The following NDUFS2 variants were observed in gnomAD, a reference collection of about 807,000 sequenced individuals.
The protein encoded by NDUFS2 is NADH dehydrogenase [ubiquinone] iron-sulfur protein 2, mitochondrial.
NDUFS2 carries 38 observed loss-of-function variants against 69.6 expected under a neutral mutation model. That is an observed-to-expected ratio of 0.55 (90% CI 0.42 to 0.72). The LOEUF (loss-of-function observed/expected upper bound fraction) is 0.72. NDUFS2 is among the 30% of genes least tolerant of loss of function. The pLI, the probability that NDUFS2 is intolerant of heterozygous loss-of-function variation, is 0.00. For synonymous variants in NDUFS2, 194 were observed against 211.2 expected (o/e 0.92, Z 0.70); for missense variants, 468 against 595.0 (o/e 0.79, Z 2.22).
chr1:161,203,668 T>A, intron 2 of NDUFS2, 125 bp downstream of exon 2: 1 of 830,694 alleles, frequency 1.2e-6, no homozygotes, highest in Non-Finnish European at 2.0e-6. Flanking sequence ...CGAAAGTGGC[T>A]CACTGTAGCC....
chr1:161,202,091 G>A, upstream of NDUFS2: 1 of 501,394 alleles, frequency 2.0e-6, no homozygotes, highest in South Asian at 2.1e-5. Context: ...CTCGGCGAGA[G>A]AGCACGAAGT....
chr1:161,213,561 G>A, intron 11 of NDUFS2, 86 bp downstream of exon 11: 1 of 1,541,890 alleles, frequency 6.5e-7, no homozygotes, highest in Non-Finnish European at 9.0e-7. Flanking sequence ...TCATCAATGA[G>A]AGAGAAAACA....
chr1:161,205,882 G>A (rs1379632336), intron 2 of NDUFS2, among the ~76,000 whole-genome samples: 1 of 152,176 alleles, frequency 6.6e-6, no homozygotes, highest in Non-Finnish European at 1.5e-5. Flanking sequence ...TTGGAGGACA[G>A]TATATCATAG....
chr1:161,213,710 A>G lies in NDUFS2; in HGVS notation c.1274A>G (p.Lys425Arg), dbSNP rs541855577. Residue 425 changes from lysine (K) to arginine (R), a missense_variant, in exon 12 of 14, where the codon AAG becomes AGG. By Grantham distance (26) the Lys-to-Arg change is conservative. Coordinates refer to ENST00000676972, the MANE Select transcript of NDUFS2 (RefSeq NM_001377299.1). ...GSSRPYRCKI[K>R]APGFAHLAGL... ...AGCCGCCCTTATCGATGCAAGATCA[A>G]GGCTCCTGGTTTTGCCCATCTGGTA... 1.3e-5 allele frequency: 21 copies of G among 1,614,208 alleles called. No homozygotes were observed. The East Asian group carries it at 4.2e-4, about 33-fold the overall frequency.
chr1:161,209,378 C>T, intron 4 of NDUFS2, 65 bp downstream of exon 4: 6 of 1,612,504 alleles, frequency 3.7e-6, no homozygotes, highest in Non-Finnish European at 4.2e-6. Flanking sequence ...TCCACCACTT[C>T]CCCGTTGAAC....
rs562079890 is a variant in NDUFS2, at chr1:161,205,690, C to T, written c.203-717C>T. Among the ~76,000 whole-genome samples the T allele has an allele frequency of 2.6e-5, 4 of 152,044 alleles. No individual in the cohort carries two copies. In the South Asian group the frequency reaches 8.3e-4, roughly 32 times the overall value. On this transcript the variant is annotated intron_variant, in intron 2 of 13. Coordinates refer to ENST00000676972, the MANE Select transcript of NDUFS2 (RefSeq NM_001377299.1). ...GGCTGACACAGGAGAATTGCTTGAA[C>T]CTGGCAGGCAGACATTGCAGTGAGC...
At chr1:161,198,448 C>T (rs945190981), upstream of NDUFS2, 4 of 1,577,984 alleles carry the variant, frequency 2.5e-6, no homozygotes, top group South Asian at 4.6e-5. The surrounding 1 kb of genome is among the most constrained non-coding windows in gnomAD (Gnocchi z 4.7). Flanking sequence ...GAAACACGAT[C>T]TCCTCCTCCC....
chr1:161,203,642 C>A, intron 2 of NDUFS2, 99 bp downstream of exon 2: 1 of 1,051,572 alleles, frequency 9.5e-7, no homozygotes, highest in Non-Finnish European at 1.4e-6. Context: ...GTCTCCCTGG[C>A]TGGAGTGCAG....
Position 161,213,397 on chromosome 1 carries a change from G to A in NDUFS2, c.1134G>A (p.Leu378=), listed in dbSNP as rs781600472. 1.9e-6 allele frequency: 3 copies of A among 1,610,006 alleles called. No individual in the cohort carries two copies. The highest frequency in any genetic ancestry group is 3.4e-5 in the Admixed American group (2 of 59,656). The change falls in exon 11 of 14, where the codon CTG becomes CTA. Residue 378 remains leucine (L), a synonymous_variant. Coordinates refer to ENST00000676972, the MANE Select transcript of NDUFS2 (RefSeq NM_001377299.1). ...CTCTTCAGACTTCCATGGAGTCACT[G>A]ATTCATCACTTTAAGTTGTATACTG... ...RAEMKTSMES[L]IHHFKLYTEG...
intron 10 of NDUFS2, chr1:161,213,029 C>T (rs1168352466): frequency 3.5e-5 from 12 of 338,084 alleles, no homozygotes; most frequent in Non-Finnish European, 5.2e-5. Context: ...CTTAGTCTCC[C>T]GAGTAGCTGG....
chr1:161,213,439 T>C lies in NDUFS2; in HGVS notation c.1176T>C (p.Pro392=). The change falls in exon 11 of 14, where the codon CCT becomes CCC. Residue 392 remains proline, a synonymous_variant. Coordinates refer to ENST00000676972, the MANE Select transcript of NDUFS2 (RefSeq NM_001377299.1). ...FKLYTEGYQV[P]PGATYTAIEA... ...TGTATACTGAGGGCTACCAAGTTCC[T>C]CCAGGAGCCACATATACTGCCATTG... is the stretch of plus-strand genomic sequence containing the variant. 3.1e-6 allele frequency: 5 copies of C among 1,610,968 alleles called. No individual in the cohort carries two copies. The highest frequency in any genetic ancestry group is 3.4e-6 in the Non-Finnish European group (4 of 1,178,254).
chr1:161,207,692 A>G (rs1207749732), intron 3 of NDUFS2, among the ~76,000 whole-genome samples: 2 of 149,004 alleles, frequency 1.3e-5, no homozygotes, highest in African/African-American at 4.9e-5. Context: ...GTGCTACTGC[A>G]CTCCAGCGCC....
intron 9 of NDUFS2, among the ~76,000 whole-genome samples, chr1:161,212,109 A>G (rs1027848674): frequency 1.3e-5 from 2 of 151,264 alleles, no homozygotes; most frequent in Non-Finnish European, 2.9e-5. Flanking sequence ...GGAGACCGAG[A>G]TGGGAGGATC....
intron 3 of NDUFS2, among the ~76,000 whole-genome samples, chr1:161,207,496 G>A (rs1013946505): frequency 1.3e-5 from 2 of 152,170 alleles, no homozygotes; most frequent in African/African-American, 4.8e-5. Context: ...GCTCACGCCT[G>A]TAATCCCAGC....
upstream of NDUFS2, chr1:161,198,483 C>A: frequency 6.4e-7 from 1 of 1,568,982 alleles, no homozygotes; most frequent in Non-Finnish European, 8.6e-7. The surrounding 1 kb of genome is among the most constrained non-coding windows in gnomAD (Gnocchi z 4.7). Flanking sequence ...GCCAGCCGGG[C>A]TGAGGGCAGG....
At position 161,213,714 on chromosome 1, in the gene NDUFS2, T is replaced by C. The variant is rs746338268; in HGVS notation, c.1278T>C (p.Ala426=). The change falls in exon 12 of 14, where the codon GCT becomes GCC. Residue 426 remains alanine (A), a synonymous_variant. Coordinates refer to ENST00000676972, the MANE Select transcript of NDUFS2 (RefSeq NM_001377299.1). ...SSRPYRCKIK[A]PGFAHLAGLD... ...GCCCTTATCGATGCAAGATCAAGGC[T>C]CCTGGTTTTGCCCATCTGGTAAGAA... The C allele has an allele frequency of 3.7e-6, 6 of 1,614,102 alleles. No individual in the cohort carries two copies. The African/African-American group carries it at 8.0e-5, about 22-fold the overall frequency.
At chr1:161,198,859 T>G (rs912665355), upstream of NDUFS2, 14 of 463,792 alleles carry the variant, frequency 3.0e-5, no homozygotes, top group Non-Finnish European at 4.9e-5. This position sits in a 1 kb window ranked among gnomAD's most constrained non-coding sequence, Gnocchi z 4.7. Flanking sequence ...TCCTGAGCCC[T>G]CCTTTCCTGG....
In NDUFS2 at chr1:161,212,413, A is replaced by G. The variant is rs1438470013; in HGVS notation, c.1049A>G (p.Lys350Arg). The G allele has an allele frequency of 2.5e-6, 4 of 1,613,920 alleles. No homozygotes were observed. The African/African-American group carries it at 4.0e-5, about 16-fold the overall frequency. The change falls in exon 10 of 14, where the codon AAG becomes AGG. Residue 350 changes from lysine to arginine, a missense_variant. Physicochemically the swap from Lys to Arg is conservative, Grantham distance 26. This residue lies in a region of NDUFS2 where 339 missense variants were observed against 433.8 expected (regional missense o/e 0.78). Transcript: ENST00000676972. ...SLRIIAQCLNKMPPGEIKVDD... is the reference protein window; with the variant it reads ...SLRIIAQCLNRMPPGEIKVDD... ...AGAATTATCGCACAGTGTCTAAACA[A>G]GATGCCTCCTGGGGAGATCAAGGTT... is the stretch of plus-strand genomic sequence containing the variant.
At position 161,210,704 on chromosome 1, in the gene NDUFS2, A is replaced by G. The variant is rs1227096985; in HGVS notation, c.980A>G (p.Tyr327Cys). Residue 327 changes from tyrosine (Y) to cysteine (C), a missense_variant, in exon 9 of 14, where the codon TAT becomes TGT. Tyr to Cys is a radical substitution (Grantham distance 194, BLOSUM62 -2). Coordinates refer to ENST00000676972, the MANE Select transcript of NDUFS2 (RefSeq NM_001377299.1). ...CCTGTTGGTTCTCGAGGGGACTGCT[A>G]TGATAGGTAAGGCCCCAATCCTTTC... ...DVPVGSRGDC[Y>C]DRYLCRVEEM... 5.0e-6 allele frequency: 8 copies of G among 1,614,074 alleles called. No homozygotes were observed. Among genetic ancestry groups the G allele is most frequent in the African/African-American group, 1.3e-5 (1 of 75,024 alleles).
Sources: allele counts gnomAD v4.1 joint callset (sites outside exome capture counted in the v4.1 genomes callset), GRCh38; gene constraint gnomAD v4.1.1; regional missense constraint gnomAD v4.1.1; non-coding constraint Gnocchi (gnomAD v3.1); transcripts MANE v1.5; gene names NCBI Gene and HGNC (gene_info 2026-07-23, HGNC 2026-07-21).